The following PPP1R13B variants were observed in gnomAD, a reference collection of about 807,000 sequenced individuals.
PPP1R13B encodes apoptosis-stimulating of p53 protein 1.
A neutral mutation model predicts 119.8 loss-of-function variants in PPP1R13B; 44 were observed. The ratio of observed to expected loss-of-function variants is 0.37; its 90% confidence interval spans 0.29 to 0.47. The LOEUF (loss-of-function observed/expected upper bound fraction) is 0.47. PPP1R13B is among the 20% of genes least tolerant of loss of function. The pLI is 0.99. For missense variants in PPP1R13B, 1,227 were observed against 1,413.5 expected, an observed-to-expected ratio of 0.87 and a Z score of 2.12; for synonymous variants, 542 against 561.5, an observed-to-expected ratio of 0.97 and a Z score of 0.49.
At position 103,740,460 on chromosome 14, in the gene PPP1R13B, A is replaced by G; in HGVS notation, c.1956T>C (p.Asp652=). The change falls in exon 12 of 17, where the codon GAT becomes GAC. Residue 652 remains aspartate, a synonymous_variant. Coordinates refer to ENST00000202556, the MANE Select transcript of PPP1R13B (RefSeq NM_015316.3). The surrounding 1 kb of genome is among the most constrained non-coding windows in gnomAD (Gnocchi z 4.6). ...TGCCATCTGCGGGGGCGGCGGGGCC[A>G]TCCTGCTCAGGCTCTTTCTCAGTAC... is the stretch of plus-strand genomic sequence containing the variant. ...SESTEKEPEQ[D]GPAAPADGST... 1.2e-6 allele frequency: 2 copies of G among 1,609,130 alleles called. No homozygotes were observed. Among genetic ancestry groups the G allele is most frequent in the Non-Finnish European group, 1.7e-6 (2 of 1,176,774 alleles).
At chr14:103,779,272 A>C (rs1030451106) in intron 3 of PPP1R13B, among the ~76,000 whole-genome samples, 1 of 151,992 alleles carries the variant, frequency 6.6e-6, no homozygotes, top group Non-Finnish European at 1.5e-5. Flanking sequence ...GCTCTGTTGC[A>C]CTCCAGCCTG....
intron 2 of PPP1R13B, among the ~76,000 whole-genome samples, chr14:103,790,612 A>G (rs1209189629): frequency 6.6e-6 from 1 of 152,028 alleles, no homozygotes; most frequent in Non-Finnish European, 1.5e-5. Flanking sequence ...CCCCATCTTT[A>G]CTAAAAGTGC....
At chr14:103,804,915 C>T (rs2152051299) in intron 1 of PPP1R13B, among the ~76,000 whole-genome samples, 1 of 152,314 alleles carries the variant, frequency 6.6e-6, no homozygotes, top group East Asian at 1.9e-4. Context: ...CAGCTCACTG[C>T]AACCTCCGCC....
chr14:103,839,688 A>C (rs1039048664), intron 1 of PPP1R13B, among the ~76,000 whole-genome samples: 14 of 151,630 alleles, frequency 9.2e-5, no homozygotes, highest in African/African-American at 3.4e-4. Context: ...AAGGCCCTAC[A>C]AGATCAATCC....
chr14:103,743,572 A>C (rs2084312356), intron 9 of PPP1R13B, among the ~76,000 whole-genome samples: 1 of 152,372 alleles, frequency 6.6e-6, no homozygotes, highest in Non-Finnish European at 1.5e-5. Context: ...TTTTACAGGA[A>C]CAGGTGCTGA....
At chr14:103,846,751 C>T in intron 1 of PPP1R13B, 1 of 456,306 alleles carries the variant, frequency 2.2e-6, no homozygotes, top group Non-Finnish European at 4.4e-6. Flanking sequence ...ACACGGAGAA[C>T]AAACCAGTTA....
Position 103,740,098 on chromosome 14 carries a change from G to A in PPP1R13B, c.2318C>T (p.Pro773Leu). The change falls in exon 12 of 17, where the codon CCC becomes CTC. Residue 773 changes from proline to leucine, a missense_variant. By Grantham distance (98) the Pro-to-Leu change is moderately conservative (BLOSUM62 -3). Coordinates refer to ENST00000202556, the MANE Select transcript of PPP1R13B (RefSeq NM_015316.3). The surrounding 1 kb of genome is among the most constrained non-coding windows in gnomAD (Gnocchi z 4.6). ...TNANGNLEELPPAQPTAPLPA... is the reference protein window; with the variant it reads ...TNANGNLEELLPAQPTAPLPA... The stretch of plus-strand genomic sequence containing the variant: ...GAGTGGGGCTGTGGGCTGGGCAGGG[G>A]GGAGCTCTTCCAGGTTTCCATTGGC... 1 of 1,613,836 alleles carries A rather than the reference G, an allele frequency of 6.2e-7. No homozygotes were observed. Among genetic ancestry groups the A allele is most frequent in the Non-Finnish European group, 8.5e-7 (1 of 1,180,022 alleles).
At chr14:103,777,638 T>A (rs1022037433) in intron 4 of PPP1R13B, among the ~76,000 whole-genome samples, 15 of 152,106 alleles carry the variant, frequency 9.9e-5, no homozygotes, top group Non-Finnish European at 2.1e-4. Context: ...ATGATCTGAT[T>A]CATGGACCAT....
intron 1 of PPP1R13B, among the ~76,000 whole-genome samples, chr14:103,831,685 C>T (rs2086667454): frequency 6.6e-6 from 1 of 151,652 alleles, no homozygotes; most frequent in African/African-American, 2.4e-5. Context: ...CCTATAATCC[C>T]AGCACTTTGG....
chr14:103,796,191 G>C (rs2085753490), intron 2 of PPP1R13B, among the ~76,000 whole-genome samples: 1 of 152,110 alleles, frequency 6.6e-6, no homozygotes, highest in Non-Finnish European at 1.5e-5. Context: ...GCTGAGGTGG[G>C]AGCACTGCTT....
intron 2 of PPP1R13B, among the ~76,000 whole-genome samples, chr14:103,787,795 A>G (rs2085507870): frequency 6.6e-6 from 1 of 151,808 alleles, no homozygotes; most frequent in Non-Finnish European, 1.5e-5. Flanking sequence ...CTGGGACTAC[A>G]GGTGTGCACC....
intron 1 of PPP1R13B, among the ~76,000 whole-genome samples, chr14:103,825,470 A>G (rs2086516468): frequency 6.6e-6 from 1 of 152,204 alleles, no homozygotes; most frequent in Non-Finnish European, 1.5e-5. Flanking sequence ...AAATAAATTA[A>G]AAGTGCTACC....
chr14:103,817,228 A>G (rs1306960525), intron 1 of PPP1R13B, among the ~76,000 whole-genome samples: 1 of 152,150 alleles, frequency 6.6e-6, no homozygotes, highest in Non-Finnish European at 1.5e-5. Context: ...TCCTAATGAA[A>G]CAAGACAGAC....
At chr14:103,739,544 G>C (rs560442815) in intron 12 of PPP1R13B, among the ~76,000 whole-genome samples, 82 of 152,320 alleles carry the variant, frequency 5.4e-4, no homozygotes, top group Middle Eastern at 6.8e-3. Flanking sequence ...TCAGGTGCCA[G>C]CGACAGCTCC....
At chr14:103,764,379 C>T (rs1372587581) in intron 4 of PPP1R13B, 1 of 245,414 alleles carries the variant, frequency 4.1e-6, no homozygotes, top group African/African-American at 2.3e-5. Context: ...TTTCATATGC[C>T]TGTTAGCCAC....
chr14:103,794,698 A>G (rs1301097906), intron 2 of PPP1R13B: 1 of 426,056 alleles, frequency 2.3e-6, no homozygotes, highest in Non-Finnish European at 4.6e-6. Context: ...GGGTTCCTCT[A>G]GGTAAAAGGA....
At position 103,841,282 on chromosome 14, in the gene PPP1R13B, T is replaced by C. The variant is rs371787688; in HGVS notation, c.9+6017A>G. Reference sequence around the variant, plus strand: ...CCTGTACAACAAGAGCGAAACTCTGTCTCAAAAAAAAAAATTTTTTTTAGG... The same window carrying C: ...CCTGTACAACAAGAGCGAAACTCTGCCTCAAAAAAAAAAATTTTTTTTAGG... On this transcript the variant is annotated intron_variant, in intron 1 of 16. Transcript: ENST00000202556. Among the ~76,000 whole-genome samples, 23 of 151,390 alleles carry C rather than the reference T, an allele frequency of 1.5e-4. No individual in the cohort carries two copies. In the South Asian group the frequency reaches 3.8e-3, roughly 25 times the overall value.
intron 15 of PPP1R13B, chr14:103,737,107 T>C (rs1043888676): frequency 1.3e-5 from 2 of 152,476 alleles, no homozygotes; most frequent in Non-Finnish European, 2.9e-5. Context: ...AGAACATCTA[T>C]GCAAAGCACA....
At chr14:103,847,012 G>C in intron 1 of PPP1R13B, 2 of 1,151,002 alleles carry the variant, frequency 1.7e-6, no homozygotes, top group Non-Finnish European at 2.2e-6. Context: ...GCGCACCTGA[G>C]AGGACCGAGG....
Sources: gnomAD v4.1 joint callset for allele counts (sites outside exome capture counted in the v4.1 genomes callset) on GRCh38, gnomAD v4.1.1 for gene constraint, Gnocchi (gnomAD v3.1) non-coding constraint, MANE v1.5 for transcripts, NCBI Gene and HGNC (gene_info 2026-07-23, HGNC 2026-07-21) for gene names.